GPR161: variants seen among roughly 807,000 people sequenced by gnomAD.
GPR161 encodes G-protein coupled receptor RE2.
In GPR161, 25 loss-of-function variants were observed where a neutral mutation model predicts 39.2. The observed-to-expected ratio is 0.64, with a 90% CI of 0.47 to 0.89. The LOEUF is 0.89. Ranked by LOEUF, GPR161 falls within the 40% of genes least tolerant of loss-of-function variation. The pLI is 0.00. For missense variants in GPR161, 547 were observed against 677.8 expected (o/e 0.81, Z 2.14); for synonymous variants, 286 against 276.6 (o/e 1.03, Z -0.34).
chr1:168,136,948 GCCCCGCCC>G, upstream of GPR161: 1 of 910,996 alleles, frequency 1.1e-6, no homozygotes, highest in Non-Finnish European at 1.3e-6. Flanking sequence ...CGGCGCCCGC[GCCCCGCCC>G]CGCCCCCCCC....
chr1:168,137,462 T>G (rs1188122337), upstream of GPR161: 1 of 1,431,766 alleles, frequency 7.0e-7, no homozygotes, highest in Non-Finnish European at 9.5e-7. Flanking sequence ...GCTCTGTTAA[T>G]ACCACAGTGA....
chr1:168,136,162 CG>C, intron 1 of GPR161: 1 of 1,268,418 alleles, frequency 7.9e-7, no homozygotes, highest in South Asian at 2.7e-5. Context: ...GCCGCCCATC[CG>C]GCGGCGCCGG....
intron 1 of GPR161, chr1:168,114,437 C>T (rs1697457067): frequency 6.6e-6 from 1 of 152,046 alleles, no homozygotes; most frequent in Non-Finnish European, 1.5e-5. Context: ...AAAAATTAGC[C>T]AGGTGTAGTG....
rs534391763 is a variant in GPR161 at position 168,132,794 on chromosome 1, G to T, written c.-45+3945C>A. On this transcript the variant is annotated intron_variant, in intron 1 of 5. Transcript: ENST00000682931. ...AGTTTCGCTCTTGTTGCCCAGGATGGAGTGCAATGGCACAGTCTCGGCTCA... is the reference window on the plus strand; with the variant it reads ...AGTTTCGCTCTTGTTGCCCAGGATGTAGTGCAATGGCACAGTCTCGGCTCA... Among the ~76,000 whole-genome samples the T allele has an allele frequency of 3.2e-4, 48 of 152,186 alleles. No homozygotes were observed. In the South Asian group the frequency reaches 9.5e-3, roughly 30 times the overall value.
intron 3 of GPR161, among the ~76,000 whole-genome samples, chr1:168,093,845 G>A (rs527974636): frequency 6.6e-6 from 1 of 152,322 alleles, no homozygotes; most frequent in South Asian, 2.1e-4. Flanking sequence ...CTGGGCTGGG[G>A]CGCCACATTC....
chr1:168,115,302 T>C (rs148471781), intron 1 of GPR161, among the ~76,000 whole-genome samples: 3 of 152,258 alleles, frequency 2.0e-5, no homozygotes, highest in East Asian at 3.9e-4. Flanking sequence ...AGAATCCTAA[T>C]ATTCTGATTT....
At chr1:168,135,447 A>G (rs999876884) in intron 1 of GPR161, among the ~76,000 whole-genome samples, 3 of 152,234 alleles carry the variant, frequency 2.0e-5, no homozygotes, top group Non-Finnish European at 4.4e-5. Flanking sequence ...GAAAGAAGTA[A>G]CAGAAATGGG....
At chr1:168,137,448 C>G, upstream of GPR161, 2 of 1,498,226 alleles carry the variant, frequency 1.3e-6, no homozygotes, top group South Asian at 2.4e-5. Flanking sequence ...AGGCTCTGTC[C>G]CGGGCTCTGT....
chr1:168,095,482 C>CA lies in GPR161; in HGVS notation c.1099+1025dup, dbSNP rs148955437. On this transcript the variant is annotated intron_variant, in intron 3 of 5. Coordinates refer to ENST00000682931, the MANE Select transcript of GPR161 (RefSeq NM_001375883.1). ...ATTATTTCAAAATAAAAAGTTTTAA[C>CA]AAAAAATCTAACCCCTAACTAGAGT... Among the ~76,000 whole-genome samples, 997 of 152,230 alleles carry CA rather than the reference C, an allele frequency of 6.5e-3. 11 individuals carry two copies. The highest frequency in any genetic ancestry group is 0.023 in the African/African-American group (939 of 41,528).
intron 4 of GPR161, chr1:168,088,909 C>A (rs1694801458): frequency 6.6e-6 from 1 of 152,224 alleles, no homozygotes; most frequent in Admixed American, 6.5e-5. Context: ...ACTCCCCTAC[C>A]TATAGCAGCC....
At chr1:168,095,378 T>G (rs1015558121) in intron 3 of GPR161, among the ~76,000 whole-genome samples, 6 of 152,242 alleles carry the variant, frequency 3.9e-5, no homozygotes, top group Non-Finnish European at 8.8e-5. Context: ...GCTGTGGTTG[T>G]TCAAGACAGT....
chr1:168,097,824 T>C (rs1695702771), intron 2 of GPR161, among the ~76,000 whole-genome samples: 1 of 152,104 alleles, frequency 6.6e-6, no homozygotes. Flanking sequence ...AGCGGATATG[T>C]CATTATCTTC....
intron 1 of GPR161, among the ~76,000 whole-genome samples, chr1:168,112,774 T>C (rs549103667): frequency 2.0e-4 from 31 of 151,926 alleles, no homozygotes; most frequent in African/African-American, 7.5e-4. Context: ...GGAGAATCAC[T>C]GGAACCCAGG....
In GPR161 at chr1:168,082,976, G is replaced by T. The variant is rs951839297; in HGVS notation, c.*2555C>A. 1 of 152,124 alleles carries T rather than the reference G, an allele frequency of 6.6e-6. No homozygotes were observed. The highest frequency in any genetic ancestry group is 1.5e-5 in the Non-Finnish European group (1 of 68,034). The allele number at this position is 152,124 out of a possible 1,614,324, so 9.4% of individuals were successfully genotyped here. On this transcript the variant is annotated 3_prime_UTR_variant, in exon 6 of 6. Transcript: ENST00000682931. Reference sequence around the variant, plus strand: ...TGGAAAATATGGTTCTAGCTGCCAAGCATCCTTCAAGACTTAGCTCAAACT... The same window carrying T: ...TGGAAAATATGGTTCTAGCTGCCAATCATCCTTCAAGACTTAGCTCAAACT...
chr1:168,095,066 G>A (rs1455758424), intron 3 of GPR161, among the ~76,000 whole-genome samples: 1 of 152,210 alleles, frequency 6.6e-6, no homozygotes, highest in Non-Finnish European at 1.5e-5. Context: ...CTGCTATGAT[G>A]TACAGGAAGG....
At chr1:168,126,954 G>A (rs1402172571) in intron 1 of GPR161, among the ~76,000 whole-genome samples, 4 of 152,100 alleles carry the variant, frequency 2.6e-5, no homozygotes, top group Non-Finnish European at 4.4e-5. Context: ...ACCAAACCCA[G>A]GTCTGAATTC....
chr1:168,137,294 C>T, upstream of GPR161: 2 of 1,525,352 alleles, frequency 1.3e-6, no homozygotes, highest in Non-Finnish European at 1.8e-6. Context: ...CTCCATCACA[C>T]AGACACTTTC....
intron 2 of GPR161, among the ~76,000 whole-genome samples, chr1:168,101,072 A>G (rs983847844): frequency 4.7e-5 from 7 of 149,908 alleles, no homozygotes; most frequent in Admixed American, 4.0e-4. Context: ...TGGGGCTACA[A>G]GATGGACTCT....
intron 1 of GPR161, among the ~76,000 whole-genome samples, chr1:168,124,955 A>T (rs192732600): frequency 1.2e-3 from 183 of 152,376 alleles, no homozygotes; most frequent in African/African-American, 4.4e-3. Flanking sequence ...CAGAACCATT[A>T]GCCAAATAAA....
Sources: gnomAD v4.1 joint callset for allele counts (sites outside exome capture counted in the v4.1 genomes callset) on GRCh38, gnomAD v4.1.1 for gene constraint, MANE v1.5 for transcripts, NCBI Gene and HGNC (gene_info 2026-07-23, HGNC 2026-07-21) for gene names.